FLI1: variants seen among roughly 807,000 people sequenced by gnomAD.
The protein encoded by FLI1 is Fli-1 proto-oncogene, ETS transcription factor, also known as Friend leukemia integration 1 transcription factor.
In FLI1, 13 loss-of-function variants were observed where a neutral mutation model predicts 53.1. The ratio of observed to expected loss-of-function variants is 0.24; its 90% CI spans 0.16 to 0.39. The LOEUF (loss-of-function observed/expected upper bound fraction) is 0.39, where lower values mean the gene tolerates loss of function less well. Among genes scored for constraint, FLI1 ranks in the 10% least tolerant of loss-of-function variants. The probability of loss-of-function intolerance (pLI) is 1.00; values close to 1 mark genes in which losing one functional copy is unlikely to be tolerated. For synonymous variants in FLI1, 244 were observed against 236.7 expected (o/e 1.03, Z -0.28); for missense variants, 424 against 600.5 (o/e 0.71, Z 3.07).
At position 128,790,093 on chromosome 11, in the gene FLI1, T is replaced by C. The variant is rs12288746; in HGVS notation, c.655+8070T>C. Reference sequence around the variant, plus strand: ...GCGTGTGTGTGTGTGTGTGTGTGTGTGTGCACGCGTGCTGTTTCTGTGGTC... The same window carrying C: ...GCGTGTGTGTGTGTGTGTGTGTGTGCGTGCACGCGTGCTGTTTCTGTGGTC... On this transcript the variant is annotated intron_variant, in intron 5 of 8. Coordinates refer to ENST00000527786, the MANE Select transcript of FLI1 (RefSeq NM_002017.5). Among the ~76,000 whole-genome samples the C allele has an allele frequency of 7.9e-5, 12 of 151,508 alleles. No homozygotes were observed. In the South Asian group the frequency reaches 1.0e-3, roughly 13 times the overall value.
chr11:128,721,798 C>G (rs1939265280), intron 1 of FLI1, among the ~76,000 whole-genome samples: 1 of 152,210 alleles, frequency 6.6e-6, no homozygotes, highest in Non-Finnish European at 1.5e-5. Flanking sequence ...TTGCCCGCTC[C>G]AGGCTCTCTA....
chr11:128,723,933 ATTTTTTTTTTTT>A (rs376612983), intron 1 of FLI1, among the ~76,000 whole-genome samples: 1 of 80,976 alleles, frequency 1.2e-5, no homozygotes, highest in African/African-American at 5.2e-5. Flanking sequence ...AATGGAGTTG[ATTTTTTTTTTTT>A]TTTTTTTTTT....
At chr11:128,806,523 T>C (rs917920711) in intron 6 of FLI1, 3 of 152,238 alleles carry the variant, frequency 2.0e-5, no homozygotes, top group African/African-American at 7.2e-5. Context: ...AATGATGCTA[T>C]GAAGATATGC....
At chr11:128,748,455 C>T (rs1192791067) in intron 1 of FLI1, among the ~76,000 whole-genome samples, 1 of 151,950 alleles carries the variant, frequency 6.6e-6, no homozygotes, top group East Asian at 1.9e-4. Flanking sequence ...ACCAGCCTGA[C>T]CAACATGGTG....
chr11:128,726,493 G>A (rs1049440473), intron 1 of FLI1, among the ~76,000 whole-genome samples: 2 of 152,192 alleles, frequency 1.3e-5, no homozygotes, highest in Non-Finnish European at 2.9e-5. Flanking sequence ...AGAGTTCCTG[G>A]AGGGACACTA....
At chr11:128,790,068 G>T (rs608679) in intron 5 of FLI1, among the ~76,000 whole-genome samples, 16,486 of 88,232 alleles carry the variant, frequency 0.19, 2,609 homozygotes, top group African/African-American at 0.48. Context: ...GTGCATGCAT[G>T]CGTGTGTGTG....
chr11:128,808,505 A>C (rs1591391858), intron 7 of FLI1, among the ~76,000 whole-genome samples: 1 of 152,192 alleles, frequency 6.6e-6, no homozygotes, highest in African/African-American at 2.4e-5. Flanking sequence ...TATAGCTAAA[A>C]TGTACACTCT....
intron 4 of FLI1, among the ~76,000 whole-genome samples, chr11:128,774,904 C>A (rs1199274945): frequency 1.4e-5 from 2 of 147,070 alleles, no homozygotes; most frequent in Admixed American, 6.9e-5. Flanking sequence ...GAGAGACCTT[C>A]TATTGGAGAA....
chr11:128,703,869 G>T (rs1185086368), intron 1 of FLI1, among the ~76,000 whole-genome samples: 3 of 121,216 alleles, frequency 2.5e-5, no homozygotes, highest in African/African-American at 6.4e-5. Context: ...AAAAACAAAC[G>T]TTAAGAGAGA....
intron 1 of FLI1, among the ~76,000 whole-genome samples, chr11:128,755,363 G>T (rs1276557302): frequency 6.6e-6 from 1 of 152,222 alleles, no homozygotes; most frequent in African/African-American, 2.4e-5. Flanking sequence ...TACAGCAGAA[G>T]ATGCTACCTG....
In FLI1 at chr11:128,811,086, A is replaced by C; in HGVS notation, c.*98A>C. Reference sequence around the variant, plus strand: ...ACATATGTGGCCTTGAAGGGAAGACAAAACTGGATGTTCTTTCTTGTTGGA... The same window carrying C: ...ACATATGTGGCCTTGAAGGGAAGACCAAACTGGATGTTCTTTCTTGTTGGA... On this transcript the variant is annotated 3_prime_UTR_variant, in exon 9 of 9. Coordinates refer to ENST00000527786, the MANE Select transcript of FLI1 (RefSeq NM_002017.5). 1 of 1,113,644 alleles carries C rather than the reference A, an allele frequency of 9.0e-7. No individual in the cohort carries two copies. Among genetic ancestry groups the C allele is most frequent in the South Asian group, 1.3e-5 (1 of 75,540 alleles). 69.0% of individuals were successfully genotyped at this position (1,113,644 alleles called of 1,614,324 possible). A position where few individuals can be genotyped will look rare whatever the true frequency, so the allele number is the denominator to read the frequency against.
chr11:128,811,323 A>G lies in FLI1; in HGVS notation c.*335A>G, dbSNP rs1942930926. 1 of 397,242 alleles carries G rather than the reference A, an allele frequency of 2.5e-6. No individual in the cohort carries two copies. The highest frequency in any genetic ancestry group is 2.0e-5 in the African/African-American group (1 of 49,066). 24.6% of individuals were successfully genotyped at this position (397,242 alleles called of 1,614,324 possible). A position where few individuals can be genotyped will look rare whatever the true frequency, so the allele number is the denominator to read the frequency against. ...AGCTGTACGTTTTCTTTATGTTTTT[A>G]TGACCAAAGCAGTTTCTTGTCAATA... On this transcript the variant is annotated 3_prime_UTR_variant, in exon 9 of 9. Transcript: ENST00000527786.
At chr11:128,724,746 G>T (rs1939400334) in intron 1 of FLI1, among the ~76,000 whole-genome samples, 1 of 152,160 alleles carries the variant, frequency 6.6e-6, no homozygotes, top group South Asian at 2.1e-4. Flanking sequence ...TTCTAGGAGA[G>T]GCACAAGGGT....
chr11:128,772,167 A>G (rs946222440), intron 3 of FLI1, among the ~76,000 whole-genome samples: 1 of 152,148 alleles, frequency 6.6e-6, no homozygotes, highest in Non-Finnish European at 1.5e-5. Context: ...CTCAAGAGCT[A>G]AAATGTTCTC....
upstream of FLI1, chr11:128,686,264 A>G (rs1186760853): frequency 2.2e-6 from 1 of 448,776 alleles, no homozygotes; most frequent in Non-Finnish European, 4.5e-6. Context: ...ACACGCACCA[A>G]GAACTAGAAC....
At chr11:128,739,304 G>A (rs1940032685) in intron 1 of FLI1, among the ~76,000 whole-genome samples, 1 of 152,126 alleles carries the variant, frequency 6.6e-6, no homozygotes, top group African/African-American at 2.4e-5. Context: ...GATGAGCTGT[G>A]GGGTAGAGGG....
chr11:128,765,190 T>C (rs1043016133), intron 2 of FLI1, among the ~76,000 whole-genome samples: 14 of 152,186 alleles, frequency 9.2e-5, no homozygotes, highest in Admixed American at 2.6e-4. Flanking sequence ...CACTTTCCCT[T>C]CGTCTAGGTG....
In FLI1 at chr11:128,812,474, G is replaced by T. The variant is rs1942958804; in HGVS notation, c.*1486G>T. ...CGTTAGGTCAAAGGGTTTTCCCTGG[G>T]GAACTTTCCTATTTACTTCTTGCAC... On this transcript the variant is annotated 3_prime_UTR_variant, in exon 9 of 9. Transcript: ENST00000527786. The T allele has an allele frequency of 8.9e-6, 2 of 225,368 alleles. No individual in the cohort carries two copies. The highest frequency in any genetic ancestry group is 2.2e-5 in the African/African-American group (1 of 44,904). The allele number at this position is 225,368 out of a possible 1,614,324, so 14.0% of individuals were successfully genotyped here.
chr11:128,726,291 C>T (rs1237652862), intron 1 of FLI1, among the ~76,000 whole-genome samples: 3 of 152,104 alleles, frequency 2.0e-5, no homozygotes, highest in Non-Finnish European at 4.4e-5. Context: ...TAAGACGCTG[C>T]CCCAACCCAG....
Sources: allele counts gnomAD v4.1 joint callset (sites outside exome capture counted in the v4.1 genomes callset), GRCh38; gene constraint gnomAD v4.1.1; transcripts MANE v1.5; gene names NCBI Gene and HGNC (gene_info 2026-07-23, HGNC 2026-07-21).